Variants in CSMD3 observed in about 807,000 individuals in gnomAD.
CSMD3 encodes the protein CUB and sushi domain-containing protein 3.
CSMD3 carries 177 observed loss-of-function variants against 435.2 expected under a neutral mutation model. That is an observed-to-expected ratio of 0.41 (90% CI 0.36 to 0.46). The LOEUF (loss-of-function observed/expected upper bound fraction) is 0.46, where lower values mean the gene tolerates loss of function less well. Ranked by LOEUF, CSMD3 falls within the 20% of genes least tolerant of loss-of-function variation. CSMD3 has a pLI of 0.34. For missense variants in CSMD3, 4,265 were observed against 4,504.6 expected (o/e 0.95, Z 1.52); for synonymous variants, 1,656 against 1,520.5 (o/e 1.09, Z -2.07).
intron 10 of CSMD3, among the ~76,000 whole-genome samples, chr8:112,904,593 T>A (rs2082202908): frequency 1.3e-5 from 2 of 151,290 alleles, no homozygotes; most frequent in South Asian, 4.1e-4. Context: ...CCTATGATAA[T>A]AAGAGCAATT....
At chr8:112,888,660 G>A (rs1055040364) in intron 10 of CSMD3, among the ~76,000 whole-genome samples, 3 of 151,606 alleles carry the variant, frequency 2.0e-5, no homozygotes, top group African/African-American at 7.3e-5. Flanking sequence ...AAGAAAGAAA[G>A]ATGCATTTAT....
At position 112,396,403 on chromosome 8, in the gene CSMD3, A is replaced by T. The variant is rs189182925; in HGVS notation, c.5810-5615T>A. Among the ~76,000 whole-genome samples, 64 of 152,306 alleles carry T rather than the reference A, an allele frequency of 4.2e-4. 1 individual carries two copies. Among genetic ancestry groups the T allele is most frequent in the African/African-American group, 1.5e-3 (61 of 41,584 alleles). On this transcript the variant is annotated intron_variant, in intron 35 of 70. Transcript: ENST00000297405. ...AATGGAGAATTTGCTCTCTCTCAGA[A>T]TAAAACTCCCCATATAATATGTAAA...
chr8:112,256,749 C>T (rs1273142150), intron 61 of CSMD3, among the ~76,000 whole-genome samples: 3 of 152,128 alleles, frequency 2.0e-5, no homozygotes, highest in Non-Finnish European at 4.4e-5. Context: ...AGATTAAGCA[C>T]CTGAAAGCTT....
At chr8:112,927,443 G>C (rs545135642) in intron 9 of CSMD3, among the ~76,000 whole-genome samples, 1 of 151,972 alleles carries the variant, frequency 6.6e-6, no homozygotes, top group Non-Finnish European at 1.5e-5. Context: ...AATCCACCCC[G>C]CCTTGTCATT....
intron 3 of CSMD3, among the ~76,000 whole-genome samples, chr8:113,234,089 C>G (rs189058539): frequency 6.6e-6 from 1 of 152,180 alleles, no homozygotes; most frequent in Admixed American, 6.6e-5. Context: ...CAAAAAATAT[C>G]CTTGGAAAGA....
intron 4 of CSMD3, among the ~76,000 whole-genome samples, chr8:113,160,630 T>C (rs546512867): frequency 6.6e-6 from 1 of 152,078 alleles, no homozygotes; most frequent in African/African-American, 2.4e-5. Context: ...AGCCTATAAA[T>C]AAAAATAAAA....
chr8:113,129,469 T>A (rs1225461792), intron 4 of CSMD3, among the ~76,000 whole-genome samples: 2 of 152,072 alleles, frequency 1.3e-5, no homozygotes, highest in African/African-American at 4.8e-5. Flanking sequence ...GAAAAGGAAA[T>A]TTAGTTCACC....
chr8:112,639,029 G>A (rs2074742803), intron 20 of CSMD3, 118 bp from the exon 21 acceptor site: 2 of 690,732 alleles, frequency 2.9e-6, no homozygotes, highest in Non-Finnish European at 5.1e-6. Flanking sequence ...GAAAATGAGA[G>A]GCATTGCTAT....
intron 62 of CSMD3, 151 bp downstream of exon 62, chr8:112,255,103 T>C: frequency 3.3e-6 from 2 of 605,068 alleles, no homozygotes; most frequent in Non-Finnish European, 5.7e-6. Context: ...TTTCTACCAA[T>C]ATTCATTTCC....
At chr8:113,385,556 A>G (rs1255516380) in intron 1 of CSMD3, among the ~76,000 whole-genome samples, 2 of 152,128 alleles carry the variant, frequency 1.3e-5, no homozygotes, top group African/African-American at 2.4e-5. Context: ...CTGATTTCAC[A>G]TAATGGCTTT....
intron 1 of CSMD3, among the ~76,000 whole-genome samples, chr8:113,338,409 G>T (rs527310447): frequency 1.3e-5 from 2 of 151,960 alleles, no homozygotes; most frequent in African/African-American, 4.8e-5. Context: ...AAATAAAACA[G>T]ATATCCATAC....
At chr8:113,279,946 C>A (rs2093601255) in intron 2 of CSMD3, among the ~76,000 whole-genome samples, 1 of 151,698 alleles carries the variant, frequency 6.6e-6, no homozygotes, top group Non-Finnish European at 1.5e-5. Flanking sequence ...GTTTTTAATT[C>A]TATTTATGTG....
rs71281205 is a variant in CSMD3, at chr8:113,182,872, CTGTTGT to C, written c.515-8962_515-8957del. On this transcript the variant is annotated intron_variant, in intron 3 of 70. Coordinates refer to ENST00000297405, the MANE Select transcript of CSMD3 (RefSeq NM_198123.2). ...GAGATGCACAGCAGTTTTGTTGTTG[CTGTTGT>C]TGTTGTTGTTGTTGTTGTTATCGTT... Among the ~76,000 whole-genome samples the C allele has an allele frequency of 6.1e-3, 839 of 137,000 alleles. 13 individuals carry two copies. The highest frequency in any genetic ancestry group is 0.02 in the African/African-American group (807 of 40,182). 89.9% of individuals were successfully genotyped at this position (137,000 alleles called of 152,430 possible).
intron 37 of CSMD3, among the ~76,000 whole-genome samples, chr8:112,382,402 C>A (rs1055417761): frequency 1.3e-5 from 2 of 151,554 alleles, no homozygotes; most frequent in African/African-American, 4.8e-5. Flanking sequence ...CTATCTAAAT[C>A]TATATTGTTC....
At chr8:112,473,118 A>G (rs1214451226) in intron 31 of CSMD3, among the ~76,000 whole-genome samples, 1 of 152,206 alleles carries the variant, frequency 6.6e-6, no homozygotes, top group Non-Finnish European at 1.5e-5. Context: ...TGAGACATGG[A>G]TGGCTGTACA....
rs200851733 is a variant in CSMD3, at chr8:113,436,816, T to C, written c.39A>G (p.Glu13=). The change falls in exon 1 of 71, where the codon GAA becomes GAG. Residue 13 remains glutamate (E), a synonymous_variant. Transcript: ENST00000297405. Reference sequence around the variant, plus strand: ...GCTTGCCAGGCTCCCAGGGTTTGGATTCCTTTGCTCGGCTTTCCCCTTTGC... The same window carrying C: ...GCTTGCCAGGCTCCCAGGGTTTGGACTCCTTTGCTCGGCTTTCCCCTTTGC... The part of the protein sequence containing the change: ...GIRKGESRAK[E]SKPWEPGKRR... 1.9e-6 allele frequency: 3 copies of C among 1,614,166 alleles called. No homozygotes were observed. In the Admixed American group the frequency reaches 5.0e-5, roughly 27 times the overall value.
At chr8:112,271,383 G>C (rs1214695790) in intron 59 of CSMD3, among the ~76,000 whole-genome samples, 1 of 152,058 alleles carries the variant, frequency 6.6e-6, no homozygotes, top group African/African-American at 2.4e-5. Flanking sequence ...ATTTTTTAGA[G>C]AAATAGGTCA....
At chr8:112,948,978 T>C (rs941851881) in intron 8 of CSMD3, among the ~76,000 whole-genome samples, 3 of 152,026 alleles carry the variant, frequency 2.0e-5, no homozygotes, top group African/African-American at 7.2e-5. Flanking sequence ...AGCACAATCA[T>C]AGTTCACTGT....
At chr8:113,364,772 G>C (rs2133013667) in intron 1 of CSMD3, among the ~76,000 whole-genome samples, 1 of 152,062 alleles carries the variant, frequency 6.6e-6, no homozygotes, top group East Asian at 1.9e-4. Context: ...TACTCATTCT[G>C]TGCTAAAACT....
Sources: gnomAD v4.1 joint callset for allele counts (sites outside exome capture counted in the v4.1 genomes callset) on GRCh38, gnomAD v4.1.1 for gene constraint, MANE v1.5 for transcripts, NCBI Gene and HGNC (gene_info 2026-07-23, HGNC 2026-07-21) for gene names.